Variants in TENT4B observed in about 807,000 individuals in gnomAD.
TENT4B encodes the protein PAP associated domain containing 5.
Under a neutral mutation model 75.0 loss-of-function variants are expected in TENT4B, and 10 were observed. That is an observed-to-expected ratio of 0.13 (90% CI 0.08 to 0.23). The LOEUF is 0.23. Among genes scored for constraint, TENT4B ranks in the 10% least tolerant of loss-of-function variants. TENT4B has a pLI of 1.00. For synonymous variants in TENT4B, 350 were observed against 357.7 expected, an observed-to-expected ratio of 0.98 and a Z score of 0.24; for missense variants, 579 against 893.8, an observed-to-expected ratio of 0.65 and a Z score of 4.49.
At chr16:50,195,778 A>T (rs548866541) in intron 1 of TENT4B, among the ~76,000 whole-genome samples, 1 of 152,238 alleles carries the variant, frequency 6.6e-6, no homozygotes, top group African/African-American at 2.4e-5. Flanking sequence ...GGTATAAAAA[A>T]TATACATATA....
intron 1 of TENT4B, among the ~76,000 whole-genome samples, chr16:50,166,521 A>C (rs75485223): frequency 6.6e-6 from 1 of 152,224 alleles, no homozygotes; most frequent in Non-Finnish European, 1.5e-5. Flanking sequence ...GGCCATGTGC[A>C]CATCTTTGTT....
chr16:50,201,747 A>G (rs112720098), intron 1 of TENT4B, among the ~76,000 whole-genome samples: 6 of 151,226 alleles, frequency 4.0e-5, no homozygotes, highest in African/African-American at 1.5e-4. Flanking sequence ...GGAGGCTGAG[A>G]CATGAGAATC....
At chr16:50,184,602 G>A (rs1316352193) in intron 1 of TENT4B, among the ~76,000 whole-genome samples, 2 of 152,190 alleles carry the variant, frequency 1.3e-5, no homozygotes, top group African/African-American at 4.8e-5. Flanking sequence ...GGGAGGCGGA[G>A]CTGGCAGTGA....
intron 1 of TENT4B, among the ~76,000 whole-genome samples, chr16:50,185,854 C>A (rs2038515662): frequency 6.6e-6 from 1 of 151,966 alleles, no homozygotes; most frequent in Non-Finnish European, 1.5e-5. Context: ...AAATGTGTGC[C>A]CTTTCCATCC....
intron 1 of TENT4B, among the ~76,000 whole-genome samples, chr16:50,196,530 C>T (rs1367834524): frequency 6.6e-6 from 1 of 152,056 alleles, no homozygotes; most frequent in African/African-American, 2.4e-5. Context: ...TCATCATCTC[C>T]TTCATCATGA....
chr16:50,194,551 G>T (rs976900944), intron 1 of TENT4B, among the ~76,000 whole-genome samples: 1 of 149,612 alleles, frequency 6.7e-6, no homozygotes, highest in Non-Finnish European at 1.5e-5. Flanking sequence ...TTTTTTTCAG[G>T]TTCATTGAAT....
chr16:50,223,057 G>T, intron 6 of TENT4B, 117 bp from the exon 7 acceptor site: 1 of 770,304 alleles, frequency 1.3e-6, no homozygotes, highest in Non-Finnish European at 2.1e-6. Context: ...TCAACTGACT[G>T]CTATGCTAAA....
At chr16:50,198,774 A>C (rs2030446859) in intron 1 of TENT4B, among the ~76,000 whole-genome samples, 1 of 152,218 alleles carries the variant, frequency 6.6e-6, no homozygotes, top group Non-Finnish European at 1.5e-5. Flanking sequence ...TGTACTGTCA[A>C]CTACTTATAG....
intron 1 of TENT4B, among the ~76,000 whole-genome samples, chr16:50,201,452 G>A (rs1193671224): frequency 2.6e-5 from 4 of 151,908 alleles, no homozygotes; most frequent in Non-Finnish European, 4.4e-5. Flanking sequence ...CATGAGAATC[G>A]ATTGAACCTG....
intron 1 of TENT4B, among the ~76,000 whole-genome samples, chr16:50,185,274 G>A (rs2150701814): frequency 6.6e-6 from 1 of 152,326 alleles, no homozygotes; most frequent in Middle Eastern, 3.4e-3. Context: ...CGAGAGGAAT[G>A]CTGCAGCTTT....
rs1025279251 is a variant in TENT4B at position 50,234,958 on chromosome 16, T to A, written c.*5630T>A. 2.0e-6 allele frequency: 2 copies of A among 985,864 alleles called. No individual in the cohort carries two copies. Among genetic ancestry groups the A allele is most frequent in the South Asian group, 9.4e-5 (2 of 21,292 alleles). 61.1% of individuals were successfully genotyped at this position (985,864 alleles called of 1,614,324 possible). On this transcript the variant is annotated 3_prime_UTR_variant, in exon 12 of 12. Coordinates refer to ENST00000561678, the MANE Select transcript of TENT4B (RefSeq NM_001365324.3). ...TTCAGTGTTAAGAAATGTGGACTCC[T>A]GTGAGGTGCTGGAGGTTTGAATCAT...
chr16:50,204,314 G>GT (rs2030825279), intron 1 of TENT4B, among the ~76,000 whole-genome samples: 2 of 152,160 alleles, frequency 1.3e-5, no homozygotes, highest in African/African-American at 4.8e-5. Context: ...GAAGTGTTTT[G>GT]TTTTTTGGTT....
chr16:50,177,067 A>G (rs2038325099), intron 1 of TENT4B, among the ~76,000 whole-genome samples: 1 of 151,450 alleles, frequency 6.6e-6, no homozygotes, highest in East Asian at 1.9e-4. Context: ...TAGTGGCGCA[A>G]TCTTGGTTCA....
Position 50,153,705 on chromosome 16 carries a change from G to C in TENT4B, c.84G>C (p.Gln28His), listed in dbSNP as rs1336170034. The C allele has an allele frequency of 8.7e-6, 9 of 1,037,586 alleles. No individual in the cohort carries two copies. The highest frequency in any genetic ancestry group is 1.7e-5 in the African/African-American group (1 of 57,676). 64.3% of individuals were successfully genotyped at this position (1,037,586 alleles called of 1,614,324 possible). ...GGATGCAGATCTGGGAGACGACCCA[G>C]GGGCTGAGGAACCTCTACTTCAACC... The part of the protein sequence containing the change: ...SLWMQIWETT[Q>H]GLRNLYFNHH... Residue 28 changes from glutamine to histidine, a missense_variant, in exon 1 of 12, where the codon CAG becomes CAC. Coordinates refer to ENST00000561678, the MANE Select transcript of TENT4B (RefSeq NM_001365324.3).
intron 1 of TENT4B, among the ~76,000 whole-genome samples, chr16:50,185,709 AT>A (rs2038513079): frequency 6.6e-6 from 1 of 151,590 alleles, no homozygotes; most frequent in South Asian, 2.1e-4. Flanking sequence ...GATTTCCTTT[AT>A]TCCCTCCTTC....
intron 1 of TENT4B, among the ~76,000 whole-genome samples, chr16:50,200,084 A>G (rs1460666570): frequency 1.3e-5 from 2 of 152,214 alleles, no homozygotes; most frequent in African/African-American, 2.4e-5. Context: ...AGGAACTGCC[A>G]GCTGGGTGTG....
chr16:50,230,639 T>C lies in TENT4B; in HGVS notation c.*1311T>C. On this transcript the variant is annotated 3_prime_UTR_variant, in exon 12 of 12. Coordinates refer to ENST00000561678, the MANE Select transcript of TENT4B (RefSeq NM_001365324.3). The stretch of plus-strand genomic sequence containing the variant: ...TCTTGTCATCCCATTCTTTATCCTC[T>C]TCTTTCATGGAATTGTTATCGTTAA... 4.1e-6 allele frequency: 4 copies of C among 985,154 alleles called. No homozygotes were observed. The highest frequency in any genetic ancestry group is 4.8e-6 in the Non-Finnish European group (4 of 829,298). The allele number at this position is 985,154 out of a possible 1,614,324, so 61.0% of individuals were successfully genotyped here. A position where few individuals can be genotyped will look rare whatever the true frequency, so the allele number is the denominator to read the frequency against.
At chr16:50,197,106 C>T (rs1398453167) in intron 1 of TENT4B, among the ~76,000 whole-genome samples, 1 of 147,386 alleles carries the variant, frequency 6.8e-6, no homozygotes, top group Non-Finnish European at 1.5e-5. Context: ...GACCCCATCT[C>T]TAAAAAAAAA....
chr16:50,164,255 A>G (rs902262679), intron 1 of TENT4B, among the ~76,000 whole-genome samples: 3 of 152,178 alleles, frequency 2.0e-5, no homozygotes, highest in Admixed American at 2.0e-4. Flanking sequence ...TTCCTACCTC[A>G]GCATCCCAAA....
Sources: allele counts gnomAD v4.1 joint callset (sites outside exome capture counted in the v4.1 genomes callset), GRCh38; gene constraint gnomAD v4.1.1; transcripts MANE v1.5; gene names NCBI Gene and HGNC (gene_info 2026-07-23, HGNC 2026-07-21).